The following SKI variants were observed in gnomAD, a reference collection of about 807,000 sequenced individuals.
SKI encodes ski oncogene.
A neutral mutation model predicts 59.3 loss-of-function variants in SKI; 23 were observed. The ratio of observed to expected loss-of-function variants is 0.39; its 90% CI spans 0.28 to 0.55. SKI has a LOEUF of 0.55. Ranked by LOEUF, SKI falls within the 20% of genes least tolerant of loss-of-function variation. The probability of loss-of-function intolerance (pLI) is 0.67; values close to 1 mark genes in which losing one functional copy is unlikely to be tolerated. For missense variants in SKI, 1,017 were observed against 1,038.9 expected (o/e 0.98, Z 0.29); for synonymous variants, 673 against 488.6 (o/e 1.38, Z -4.98).
intron 1 of SKI, among the ~76,000 whole-genome samples, chr1:2,256,524 C>T (rs1050689987): frequency 2.0e-5 from 3 of 152,224 alleles, no homozygotes; most frequent in Non-Finnish European, 4.4e-5. Context: ...CTGTGCTCTT[C>T]CTGGTGAGGG....
At chr1:2,280,621 CAG>C (rs1639856297) in intron 1 of SKI, among the ~76,000 whole-genome samples, 1 of 145,200 alleles carries the variant, frequency 6.9e-6, no homozygotes, top group African/African-American at 2.6e-5. Context: ...CCCGAGAAGA[CAG>C]GCGGCGGCGG....
chr1:2,258,652 T>G (rs567911761), intron 1 of SKI, among the ~76,000 whole-genome samples: 1 of 152,134 alleles, frequency 6.6e-6, no homozygotes, highest in Admixed American at 6.5e-5. Flanking sequence ...CCTCCCAGGT[T>G]CAAGGGATTC....
At chr1:2,255,082 TTTGTC>T (rs1639244735) in intron 1 of SKI, among the ~76,000 whole-genome samples, 1 of 151,930 alleles carries the variant, frequency 6.6e-6, no homozygotes, top group Non-Finnish European at 1.5e-5. Context: ...CGGCCTTTCT[TTTGTC>T]TTTTATCTTT....
intron 1 of SKI, among the ~76,000 whole-genome samples, chr1:2,231,139 C>T (rs1638628984): frequency 6.6e-6 from 1 of 152,048 alleles, no homozygotes; most frequent in African/African-American, 2.4e-5. Context: ...TGGGGTGGGC[C>T]CGATGGCGCT....
At chr1:2,259,136 G>A (rs902084076) in intron 1 of SKI, among the ~76,000 whole-genome samples, 4 of 152,172 alleles carry the variant, frequency 2.6e-5, no homozygotes, top group East Asian at 3.8e-4. Flanking sequence ...TGGCTCCTCC[G>A]GAACCCCTGC....
At chr1:2,298,583 T>C (rs958093451) in intron 1 of SKI, among the ~76,000 whole-genome samples, 1 of 152,166 alleles carries the variant, frequency 6.6e-6, no homozygotes, top group African/African-American at 2.4e-5. Context: ...TTGGCCCTAA[T>C]ACGGGGTCCC....
chr1:2,301,693 C>T lies in SKI; in HGVS notation c.970-1285C>T, dbSNP rs536016246. Among the ~76,000 whole-genome samples the T allele has an allele frequency of 2.6e-5, 4 of 152,040 alleles. No individual in the cohort carries two copies. In the East Asian group the frequency reaches 7.8e-4, roughly 30 times the overall value. On this transcript the variant is annotated intron_variant, in intron 1 of 6. Transcript: ENST00000378536. ...CTGATGCAGCGTCTTCTCCTAGAGT[C>T]CTGGAGGTGGGAAGAGCCCCCGGCC...
At chr1:2,306,439 C>T (rs1640582492) in intron 6 of SKI, 138 bp from the exon 7 acceptor site, 3 of 1,033,210 alleles carry the variant, frequency 2.9e-6, no homozygotes, top group Non-Finnish European at 2.8e-6. Flanking sequence ...GAGCCTGTGT[C>T]CTAGCAGGTG....
intron 1 of SKI, among the ~76,000 whole-genome samples, chr1:2,253,892 CTGG>C (rs1467916945): frequency 6.6e-6 from 1 of 152,218 alleles, no homozygotes; most frequent in African/African-American, 2.4e-5. Context: ...GGGTTGCTTT[CTGG>C]TGGTGTGCAC....
At chr1:2,274,361 C>T (rs775299430) in intron 1 of SKI, among the ~76,000 whole-genome samples, 4 of 152,184 alleles carry the variant, frequency 2.6e-5, no homozygotes, top group Admixed American at 6.5e-5. Flanking sequence ...CAGCCAGGCC[C>T]CCATATGCTG....
chr1:2,239,485 G>C (rs1468228761), intron 1 of SKI, among the ~76,000 whole-genome samples: 1 of 152,244 alleles, frequency 6.6e-6, no homozygotes, highest in Non-Finnish European at 1.5e-5. Flanking sequence ...GGGAACGGGA[G>C]AACCTTCATC....
intron 1 of SKI, among the ~76,000 whole-genome samples, chr1:2,290,850 T>G (rs550281333): frequency 1.3e-5 from 2 of 152,362 alleles, no homozygotes; most frequent in Admixed American, 1.3e-4. Flanking sequence ...GTCCGATTCT[T>G]GGTGAATCAG....
Position 2,228,985 on chromosome 1 carries a change from G to T in SKI, c.219G>T (p.Val73=). 6.5e-7 allele frequency: 1 copy of T among 1,539,624 alleles called. No individual in the cohort carries two copies. Among genetic ancestry groups the T allele is most frequent in the South Asian group, 1.2e-5 (1 of 85,004 alleles). ...CCGCAGCCACCGAGCCGCCGCCCGT[G>T]CTGCACCTGCCCGCCATCCAGCCGC... ...PVPAATEPPP[V]LHLPAIQPPP... is the part of the protein sequence containing the mutation. Residue 73 remains valine, a synonymous_variant, in exon 1 of 7, where the codon GTG becomes GTT. Coordinates refer to ENST00000378536, the MANE Select transcript of SKI (RefSeq NM_003036.4).
chr1:2,261,684 A>G (rs762394410), intron 1 of SKI, among the ~76,000 whole-genome samples: 1 of 152,284 alleles, frequency 6.6e-6, no homozygotes, highest in Non-Finnish European at 1.5e-5. Context: ...TGTCGTCTGC[A>G]GTAAAAGCAG....
At chr1:2,279,532 C>T (rs1417250150) in intron 1 of SKI, among the ~76,000 whole-genome samples, 1 of 151,998 alleles carries the variant, frequency 6.6e-6, no homozygotes, top group Non-Finnish European at 1.5e-5. Flanking sequence ...GGGAGGGGGA[C>T]ACAGGAAATG....
chr1:2,272,894 C>T (rs1297552043), intron 1 of SKI, among the ~76,000 whole-genome samples: 2 of 152,028 alleles, frequency 1.3e-5, no homozygotes, highest in African/African-American at 2.4e-5. Context: ...GGCTCGCTGG[C>T]GTCTGTGCTT....
chr1:2,247,603 C>G (rs563517899), intron 1 of SKI, among the ~76,000 whole-genome samples: 3 of 152,322 alleles, frequency 2.0e-5, no homozygotes, highest in South Asian at 4.1e-4. Flanking sequence ...AAATGCCTCC[C>G]TGGGGTTGGG....
rs150934009 is a variant in SKI at position 2,303,041 on chromosome 1, G to C, written c.1033G>C (p.Ala345Pro). ...KTDDTSSQSP[A>P]PSEKDKPSSW... ...AGATGACACCTCTTCCCAGTCCCCCGCGCCTTCCGAAAAGGACAAGCCGTC... is the reference window on the plus strand; with the variant it reads ...AGATGACACCTCTTCCCAGTCCCCCCCGCCTTCCGAAAAGGACAAGCCGTC... The change falls in exon 2 of 7, where the codon GCG (alanine) becomes CCG (proline). Residue 345 changes from alanine to proline, a missense_variant. Transcript: ENST00000378536. This position sits in a 1 kb window ranked among gnomAD's most constrained non-coding sequence, Gnocchi z 5.6. The C allele has an allele frequency of 1.2e-6, 2 of 1,613,686 alleles. No homozygotes were observed. The highest frequency in any genetic ancestry group is 1.3e-5 in the African/African-American group (1 of 75,040).
At chr1:2,251,971 T>A (rs541564733) in intron 1 of SKI, among the ~76,000 whole-genome samples, 85 of 152,260 alleles carry the variant, frequency 5.6e-4, no homozygotes, top group African/African-American at 1.9e-3. Context: ...GACATTTCAC[T>A]GTTCCTGGCA....
Sources: allele counts gnomAD v4.1 joint callset (sites outside exome capture counted in the v4.1 genomes callset), GRCh38; gene constraint gnomAD v4.1.1; non-coding constraint Gnocchi (gnomAD v3.1); transcripts MANE v1.5; gene names NCBI Gene and HGNC (gene_info 2026-07-23, HGNC 2026-07-21).